The following POMT2 variants were observed in gnomAD, a reference collection of about 807,000 sequenced individuals.
POMT2 encodes the protein protein O-mannosyltransferase 2, also known as protein O-mannosyl-transferase 2.
Under a neutral mutation model 100.0 loss-of-function variants are expected in POMT2, and 75 were observed. The ratio of observed to expected loss-of-function variants is 0.75; its 90% CI spans 0.62 to 0.91. POMT2 has a LOEUF of 0.91. Among genes scored for constraint, POMT2 ranks in the 40% least tolerant of loss-of-function variants. The pLI is 0.00. For synonymous variants in POMT2, 378 were observed against 374.1 expected, an observed-to-expected ratio of 1.01 and a Z score of -0.12; for missense variants, 940 against 955.1, an observed-to-expected ratio of 0.98 and a Z score of 0.21.
chr14:77,283,760 T>C, intron 15 of POMT2, 37 bp downstream of exon 15: 1 of 1,529,786 alleles, frequency 6.5e-7, no homozygotes, highest in African/African-American at 1.4e-5. Context: ...GCCCAAAAGC[T>C]CTTAGAGACG....
chr14:77,312,225 T>C (rs1455888073), intron 1 of POMT2, 192 bp from the exon 2 acceptor site: 2 of 896,962 alleles, frequency 2.2e-6, no homozygotes, highest in South Asian at 1.8e-5. Flanking sequence ...CTGGTCTTCA[T>C]TTAGATAGAT....
At chr14:77,311,751 T>C (rs1278812269) in intron 2 of POMT2, among the ~76,000 whole-genome samples, 198 bp downstream of exon 2, 1 of 152,206 alleles carries the variant, frequency 6.6e-6, no homozygotes, top group African/African-American at 2.4e-5. Context: ...ATGGGCCCTC[T>C]TTCCATTTCT....
rs187166139 is a variant in POMT2, at chr14:77,301,082, G to A, written c.816+8C>T. ...AAACATTTCCACAGCAAACCCTTGGGTGCTCACCAATGAAAGACTGAGGTC... is the reference window on the plus strand; with the variant it reads ...AAACATTTCCACAGCAAACCCTTGGATGCTCACCAATGAAAGACTGAGGTC... On this transcript the variant is annotated splice_region_variant and intron_variant, in intron 6 of 20. Transcript: ENST00000261534. 38 of 1,614,058 alleles carry A rather than the reference G, an allele frequency of 2.4e-5. No individual in the cohort carries two copies. The Admixed American group carries it at 6.3e-4, about 27-fold the overall frequency.
At chr14:77,298,288 T>C (rs1890901151) in intron 8 of POMT2, among the ~76,000 whole-genome samples, 1 of 152,236 alleles carries the variant, frequency 6.6e-6, no homozygotes. Context: ...GGAGCTCCTC[T>C]ACACCAGGCT....
At chr14:77,302,442 T>C (rs1350095308) in intron 5 of POMT2, among the ~76,000 whole-genome samples, 1 of 152,184 alleles carries the variant, frequency 6.6e-6, no homozygotes, top group Non-Finnish European at 1.5e-5. Flanking sequence ...GGACAGAGTA[T>C]GTGAAGGACA....
At chr14:77,301,656 T>C (rs940363729) in intron 5 of POMT2, among the ~76,000 whole-genome samples, 7 of 152,198 alleles carry the variant, frequency 4.6e-5, no homozygotes, top group African/African-American at 1.7e-4. Flanking sequence ...GAGTGCTTAC[T>C]ATGTATGCGT....
intron 2 of POMT2, chr14:77,308,678 CGT>C (rs1891325651): frequency 4.9e-6 from 2 of 406,004 alleles, no homozygotes; most frequent in African/African-American, 4.2e-5. Context: ...AAAGTATGAT[CGT>C]ACCAGTGCTG....
At chr14:77,283,717 C>T (rs1890310139) in intron 15 of POMT2, 80 bp downstream of exon 15, 3 of 1,206,474 alleles carry the variant, frequency 2.5e-6, no homozygotes, top group Non-Finnish European at 3.7e-6. Context: ...GGATCTGTAG[C>T]ATGGCATTGA....
At chr14:77,317,136 C>T (rs1387715789) in intron 1 of POMT2, among the ~76,000 whole-genome samples, 1 of 152,192 alleles carries the variant, frequency 6.6e-6, no homozygotes, top group Non-Finnish European at 1.5e-5. Context: ...AGGCAGAAGC[C>T]ACCACTGCGT....
At position 77,320,777 on chromosome 14, in the gene POMT2, C is replaced by G; in HGVS notation, c.-96G>C. 1 of 1,495,646 alleles carries G rather than the reference C, an allele frequency of 6.7e-7. No individual in the cohort carries two copies. Among genetic ancestry groups the G allele is most frequent in the Non-Finnish European group, 8.8e-7 (1 of 1,132,972 alleles). 92.6% of individuals were successfully genotyped at this position (1,495,646 alleles called of 1,614,324 possible). The stretch of plus-strand genomic sequence containing the variant: ...TCACAAGAGGGCAGCTCGGGGTACC[C>G]CGGGAAATGCAACGCCCTTCACTGC... On this transcript the variant is annotated 5_prime_UTR_variant, in exon 1 of 21. Transcript: ENST00000261534.
intron 13 of POMT2, 165 bp downstream of exon 13, chr14:77,285,316 T>G: frequency 1.1e-6 from 1 of 944,954 alleles, no homozygotes; most frequent in South Asian, 1.6e-5. Flanking sequence ...TCCCCCGGAG[T>G]TCTGTGCTCC....
chr14:77,317,999 T>G (rs1385799236), intron 1 of POMT2, among the ~76,000 whole-genome samples: 2 of 152,202 alleles, frequency 1.3e-5, no homozygotes, highest in Non-Finnish European at 2.9e-5. Context: ...GTCAATTTTC[T>G]AACAATTGGA....
At chr14:77,292,181 G>A (rs1890666112) in intron 9 of POMT2, among the ~76,000 whole-genome samples, 1 of 152,100 alleles carries the variant, frequency 6.6e-6, no homozygotes. Flanking sequence ...AAAAAATCTG[G>A]AAACAGTATG....
At chr14:77,296,547 G>A (rs1263660218) in intron 8 of POMT2, 7 of 469,902 alleles carry the variant, frequency 1.5e-5, no homozygotes, top group African/African-American at 3.9e-5. Flanking sequence ...AGCAAAAGAC[G>A]AAAAACAACT....
chr14:77,295,316 CT>C, intron 9 of POMT2, among the ~76,000 whole-genome samples: 1 of 152,182 alleles, frequency 6.6e-6, no homozygotes, highest in South Asian at 2.1e-4. Flanking sequence ...GAGAGAGGTA[CT>C]ACTCATTTTC....
At chr14:77,318,337 T>G (rs1030767344) in intron 1 of POMT2, among the ~76,000 whole-genome samples, 1 of 151,634 alleles carries the variant, frequency 6.6e-6, no homozygotes, top group Non-Finnish European at 1.5e-5. Context: ...AAAAAGAAAA[T>G]AAAAAAAGAA....
intron 9 of POMT2, among the ~76,000 whole-genome samples, chr14:77,293,038 C>T (rs2140209132): frequency 6.6e-6 from 1 of 152,228 alleles, no homozygotes; most frequent in East Asian, 1.9e-4. Context: ...ATTTTGCTTG[C>T]ATTATGGCTG....
At chr14:77,306,176 T>C in intron 3 of POMT2, 161 bp downstream of exon 3, 1 of 1,249,752 alleles carries the variant, frequency 8.0e-7, no homozygotes, top group African/African-American at 1.5e-5. Flanking sequence ...CAGTTCTGAG[T>C]ATCTACACCA....
chr14:77,290,423 G>A (rs965089704), intron 10 of POMT2, among the ~76,000 whole-genome samples: 4 of 152,218 alleles, frequency 2.6e-5, no homozygotes, highest in African/African-American at 2.4e-5. Flanking sequence ...TATACGCCAC[G>A]TTTCTAGCCT....
Sources: gnomAD v4.1 joint callset for allele counts (sites outside exome capture counted in the v4.1 genomes callset) on GRCh38, gnomAD v4.1.1 for gene constraint, MANE v1.5 for transcripts, NCBI Gene and HGNC (gene_info 2026-07-23, HGNC 2026-07-21) for gene names.